The following IKZF3 variants were observed in gnomAD, a reference collection of about 807,000 sequenced individuals.
IKZF3 encodes IKAROS family zinc finger 3.
IKZF3 carries 10 observed loss-of-function variants against 49.0 expected under a neutral mutation model. The ratio of observed to expected loss-of-function variants is 0.20; its 90% confidence interval spans 0.13 to 0.35. IKZF3 has a LOEUF of 0.35. Ranked by LOEUF, IKZF3 falls within the 10% of genes least tolerant of loss-of-function variation. The pLI, the probability that IKZF3 is intolerant of heterozygous loss-of-function variation, is 1.00. For synonymous variants in IKZF3, 209 were observed against 228.2 expected (o/e 0.92, Z 0.76); for missense variants, 498 against 664.8 (o/e 0.75, Z 2.76).
intron 3 of IKZF3, among the ~76,000 whole-genome samples, chr17:39,803,634 C>T (rs1346432961): frequency 1.3e-5 from 2 of 151,968 alleles, no homozygotes; most frequent in Non-Finnish European, 2.9e-5. Flanking sequence ...CTGCCTCAGC[C>T]TCCGGAGTAG....
intron 1 of IKZF3, chr17:39,835,757 C>A: frequency 2.0e-6 from 1 of 512,356 alleles, no homozygotes; most frequent in Non-Finnish European, 3.8e-6. Flanking sequence ...TGTAAGCTTG[C>A]CATCCAGGTA....
intron 1 of IKZF3, among the ~76,000 whole-genome samples, chr17:39,861,562 G>A (rs947548641): frequency 1.3e-5 from 2 of 152,032 alleles, no homozygotes; most frequent in African/African-American, 2.4e-5. Flanking sequence ...TAAAACCTTC[G>A]CATTTCATCC....
chr17:39,793,854 G>A (rs565686729), intron 3 of IKZF3, among the ~76,000 whole-genome samples: 4 of 152,196 alleles, frequency 2.6e-5, no homozygotes, highest in Non-Finnish European at 4.4e-5. Context: ...TATGAAGAAC[G>A]TGGGAAAAAT....
intron 3 of IKZF3, among the ~76,000 whole-genome samples, chr17:39,808,510 T>G (rs1291820413): frequency 1.3e-5 from 2 of 152,204 alleles, no homozygotes; most frequent in African/African-American, 4.8e-5. Flanking sequence ...TTTGTTATAT[T>G]TTGTGCTTTT....
intron 1 of IKZF3, among the ~76,000 whole-genome samples, chr17:39,857,586 G>A (rs1208821995): frequency 6.6e-6 from 1 of 152,110 alleles, no homozygotes; most frequent in African/African-American, 2.4e-5. Flanking sequence ...TTCACGCATT[G>A]GATTTAGCCA....
chr17:39,854,912 C>T (rs532655750), intron 1 of IKZF3, among the ~76,000 whole-genome samples: 16 of 152,080 alleles, frequency 1.1e-4, no homozygotes, highest in Admixed American at 5.9e-4. Context: ...AAATGTCCAA[C>T]CAAAAAATAT....
intron 6 of IKZF3, among the ~76,000 whole-genome samples, chr17:39,781,018 G>C (rs1262992422): frequency 1.3e-5 from 2 of 152,166 alleles, no homozygotes; most frequent in South Asian, 4.1e-4. Context: ...AGAATAGGGG[G>C]CCTGAGTGGC....
chr17:39,788,395 G>T, intron 5 of IKZF3, 21 bp from the exon 6 acceptor site: 10 of 1,493,332 alleles, frequency 6.7e-6, no homozygotes, highest in Non-Finnish European at 8.4e-6. Flanking sequence ...AACATAAGGG[G>T]CACTCAGTGA....
chr17:39,771,578 A>G (rs958159269), intron 7 of IKZF3, among the ~76,000 whole-genome samples: 3 of 152,200 alleles, frequency 2.0e-5, no homozygotes, highest in Non-Finnish European at 4.4e-5. Context: ...AGATTCATCT[A>G]TTCTTTAAAG....
chr17:39,837,367 TCTTTA>T (rs1030844827), intron 1 of IKZF3, among the ~76,000 whole-genome samples: 6 of 152,184 alleles, frequency 3.9e-5, no homozygotes, highest in Non-Finnish European at 8.8e-5. Flanking sequence ...TTTGCAAATG[TCTTTA>T]CTTTGTCTTC....
intron 4 of IKZF3, 50 bp from the exon 5 acceptor site, chr17:39,791,633 A>C (rs1313254754): frequency 2.5e-6 from 4 of 1,570,292 alleles, no homozygotes; most frequent in Non-Finnish European, 3.5e-6. Context: ...AAGTGGAGAA[A>C]CATATGCACA....
In IKZF3 at chr17:39,845,356, T is replaced by TA. The variant is rs571656239; in HGVS notation, c.8-13206dup. Reference sequence around the variant, plus strand: ...TCAACATGGCAAAACCCCGTCTTTATAAAAAAATACAAAAAAAAATTAGCC... The same window carrying TA: ...TCAACATGGCAAAACCCCGTCTTTATAAAAAAAATACAAAAAAAAATTAGCC... On this transcript the variant is annotated intron_variant, in intron 1 of 7. Transcript: ENST00000346872. 1.7e-3 allele frequency among the ~76,000 whole-genome samples: 258 copies of TA among 151,264 alleles called. 1 individual carries two copies. Among genetic ancestry groups the TA allele is most frequent in the African/African-American group, 5.6e-3 (232 of 41,138 alleles).
At position 39,766,387 on chromosome 17, in the gene IKZF3, G is replaced by A. The variant is rs375212819; in HGVS notation, c.933C>T (p.Ala311=). ...GGGCTTCGGCGCCAAGATAGCTGAT[G>A]GCGTTATTGATGGCTTGGTCCATCA... ...TRMMDQAINN[A]ISYLGAEALR... The change falls in exon 8 of 8, where the codon GCC becomes GCT. Residue 311 remains alanine (A), a synonymous_variant. Transcript: ENST00000346872. The A allele has an allele frequency of 3.1e-6, 5 of 1,614,096 alleles. No homozygotes were observed. The highest frequency in any genetic ancestry group is 4.2e-6 in the Non-Finnish European group (5 of 1,180,042).
chr17:39,778,309 C>CTT (rs369153206), intron 6 of IKZF3: 47 of 351,508 alleles, frequency 1.3e-4, no homozygotes, highest in South Asian at 2.3e-4. Context: ...TTTTCTTTTT[C>CTT]TTTTTTTTTT....
At position 39,864,174 on chromosome 17, in the gene IKZF3, T is replaced by C; in HGVS notation, c.-48A>G. The C allele has an allele frequency of 1.9e-6, 3 of 1,605,508 alleles. No individual in the cohort carries two copies. The highest frequency in any genetic ancestry group is 2.6e-6 in the Non-Finnish European group (3 of 1,176,120). ...GCTGCCGCTGTGGCTACTCGGCCTC[T>C]CCACGTGCTCCTGCCGTCGCCTGGA... On this transcript the variant is annotated 5_prime_UTR_variant, in exon 1 of 8. Coordinates refer to ENST00000346872, the MANE Select transcript of IKZF3 (RefSeq NM_012481.5).
At chr17:39,846,663 G>C (rs28535471) in intron 1 of IKZF3, among the ~76,000 whole-genome samples, 8,789 of 151,812 alleles carry the variant, frequency 0.058, 399 homozygotes, top group African/African-American at 0.12. Context: ...TAGCTATGAA[G>C]AAAATCAAAT....
intron 3 of IKZF3, among the ~76,000 whole-genome samples, chr17:39,807,547 T>TTG (rs2144062983): frequency 8.1e-6 from 1 of 124,154 alleles, no homozygotes; most frequent in Admixed American, 7.8e-5. Flanking sequence ...TATTTAAATT[T>TTG]TTTTTTTTTT....
chr17:39,804,133 G>A (rs918822512), intron 3 of IKZF3, among the ~76,000 whole-genome samples: 6 of 152,040 alleles, frequency 3.9e-5, no homozygotes, highest in Non-Finnish European at 7.4e-5. Flanking sequence ...CAAGGGCCTC[G>A]TTACTTTAGA....
intron 3 of IKZF3, among the ~76,000 whole-genome samples, chr17:39,823,722 C>T (rs960137541): frequency 5.3e-5 from 8 of 152,174 alleles, no homozygotes; most frequent in Non-Finnish European, 1.2e-4. Flanking sequence ...TCAGAGAGTA[C>T]AAGCCCCAAG....
Sources: allele counts gnomAD v4.1 joint callset (sites outside exome capture counted in the v4.1 genomes callset), GRCh38; gene constraint gnomAD v4.1.1; transcripts MANE v1.5; gene names NCBI Gene and HGNC (gene_info 2026-07-23, HGNC 2026-07-21).